Variants in CEPT1 observed in about 807,000 individuals in gnomAD.
The protein encoded by CEPT1 is choline/ethanolaminephosphotransferase 1.
Under a neutral mutation model 42.6 loss-of-function variants are expected in CEPT1, and 7 were observed. The ratio of observed to expected loss-of-function variants is 0.16; its 90% CI spans 0.09 to 0.31. The LOEUF (loss-of-function observed/expected upper bound fraction) is 0.31. Ranked by LOEUF, CEPT1 falls within the 10% of genes least tolerant of loss-of-function variation. CEPT1 has a pLI of 1.00. For synonymous variants in CEPT1, 171 were observed against 171.9 expected (o/e 0.99, Z 0.04); for missense variants, 306 against 502.1 (o/e 0.61, Z 3.73).
At position 111,168,036 on chromosome 1, in the gene CEPT1, T is replaced by C. The variant is rs112203209; in HGVS notation, c.629+6740T>C. On this transcript the variant is annotated intron_variant, in intron 4 of 8. Transcript: ENST00000357172. Reference sequence around the variant, plus strand: ...ACCTTTCTGCACTGTCACACCTGGCTAATTTTAAATTTTTTTTTTGTAGAG... The same window carrying C: ...ACCTTTCTGCACTGTCACACCTGGCCAATTTTAAATTTTTTTTTTGTAGAG... 3.1e-3 allele frequency: 488 copies of C among 158,110 alleles called. 3 individuals are homozygous for C. Among genetic ancestry groups the C allele is most frequent in the Middle Eastern group, 0.02 (6 of 306 alleles). The allele number at this position is 158,110 out of a possible 1,614,324, so 9.8% of individuals were successfully genotyped here. A position where few individuals can be genotyped will look rare whatever the true frequency, so the allele number is the denominator to read the frequency against.
chr1:111,156,477 C>G (rs1477311347), intron 2 of CEPT1, among the ~76,000 whole-genome samples: 1 of 152,106 alleles, frequency 6.6e-6, no homozygotes, highest in African/African-American at 2.4e-5. Flanking sequence ...CTGTTTAAAT[C>G]AGGGGTGTCT....
intron 2 of CEPT1, among the ~76,000 whole-genome samples, chr1:111,158,366 A>AAATT (rs1007209479): frequency 1.5e-5 from 2 of 137,078 alleles, no homozygotes; most frequent in South Asian, 4.5e-4. Context: ...ATAAATAAAT[A>AAATT]AATTAATTAA....
At chr1:111,151,465 A>G (rs1225654067) in intron 2 of CEPT1, among the ~76,000 whole-genome samples, 1 of 152,240 alleles carries the variant, frequency 6.6e-6, no homozygotes, top group Non-Finnish European at 1.5e-5. Flanking sequence ...ACATCAATCA[A>G]GTACATTTAA....
At chr1:111,175,156 A>G (rs936143594) in intron 5 of CEPT1, among the ~76,000 whole-genome samples, 193 bp downstream of exon 5, 6 of 152,182 alleles carry the variant, frequency 3.9e-5, no homozygotes, top group African/African-American at 1.2e-4. Flanking sequence ...GGACTATTCC[A>G]GGGCTATTAT....
intron 5 of CEPT1, chr1:111,179,998 G>A (rs1237960553): frequency 6.6e-6 from 1 of 152,140 alleles, no homozygotes; most frequent in Non-Finnish European, 1.5e-5. Context: ...TTACTTTGTG[G>A]TCCAAGCCAT....
chr1:111,167,755 T>A (rs1656208254), intron 4 of CEPT1: 14 of 971,358 alleles, frequency 1.4e-5, no homozygotes, highest in Non-Finnish European at 1.7e-5. Context: ...CACTCTTAGT[T>A]GTGCTTTTGA....
At chr1:111,161,024 T>C in intron 3 of CEPT1, 131 bp from the exon 4 acceptor site, 1 of 895,344 alleles carries the variant, frequency 1.1e-6, no homozygotes, top group South Asian at 1.5e-5. Context: ...ATCCTACTTT[T>C]CTGTTACAAT....
At chr1:111,142,532 C>T (rs189728364) in intron 1 of CEPT1, among the ~76,000 whole-genome samples, 4 of 152,184 alleles carry the variant, frequency 2.6e-5, no homozygotes, top group South Asian at 2.1e-4. Flanking sequence ...GGCACATGCT[C>T]GTAATCCTAG....
chr1:111,151,433 A>G (rs1655272199), intron 2 of CEPT1, among the ~76,000 whole-genome samples: 1 of 152,162 alleles, frequency 6.6e-6, no homozygotes, highest in Non-Finnish European at 1.5e-5. Flanking sequence ...GCTTGGTATT[A>G]TACATTTTAG....
At chr1:111,165,621 G>A (rs1042100407) in intron 4 of CEPT1, among the ~76,000 whole-genome samples, 2 of 152,106 alleles carry the variant, frequency 1.3e-5, no homozygotes, top group Non-Finnish European at 2.9e-5. Flanking sequence ...TATAAAGTCT[G>A]TGAGTCTACT....
intron 5 of CEPT1, among the ~76,000 whole-genome samples, chr1:111,176,341 ATAGTTT>A (rs1054438982): frequency 1.3e-5 from 2 of 152,070 alleles, no homozygotes; most frequent in African/African-American, 2.4e-5. Flanking sequence ...GAAGGAAATA[ATAGTTT>A]TTGTTTTCCT....
At chr1:111,155,235 ACT>A (rs1217314169) in intron 2 of CEPT1, among the ~76,000 whole-genome samples, 2 of 152,152 alleles carry the variant, frequency 1.3e-5, no homozygotes, top group African/African-American at 4.8e-5. Flanking sequence ...AAGTGTATCT[ACT>A]TCGTCTAGGT....
At chr1:111,169,884 T>C (rs754016444) in intron 4 of CEPT1, among the ~76,000 whole-genome samples, 11 of 152,240 alleles carry the variant, frequency 7.2e-5, no homozygotes, top group Non-Finnish European at 1.0e-4. Context: ...CCGGTTTCTC[T>C]TCAAGGTTAT....
intron 2 of CEPT1, among the ~76,000 whole-genome samples, chr1:111,149,671 T>A (rs1448609706): frequency 1.3e-5 from 2 of 152,238 alleles, no homozygotes; most frequent in South Asian, 2.1e-4. Context: ...TCCTTTAAAT[T>A]GTTTCACTTG....
At chr1:111,178,005 T>C (rs1263435593) in intron 5 of CEPT1, among the ~76,000 whole-genome samples, 1 of 152,234 alleles carries the variant, frequency 6.6e-6, no homozygotes, top group Non-Finnish European at 1.5e-5. Context: ...ATTCCCATAA[T>C]TGACCCCAGA....
intron 3 of CEPT1, 89 bp from the exon 4 acceptor site, chr1:111,161,066 C>A: frequency 2.3e-6 from 3 of 1,324,776 alleles, no homozygotes; most frequent in Non-Finnish European, 2.2e-6. Context: ...GCATTTACAG[C>A]ATATCTTTTT....
At chr1:111,145,951 G>GATCTAT (rs1365645021) in intron 1 of CEPT1, among the ~76,000 whole-genome samples, 20 of 152,160 alleles carry the variant, frequency 1.3e-4, no homozygotes, top group Non-Finnish European at 2.8e-4. Flanking sequence ...TTTGATAGTA[G>GATCTAT]ATCTATTGTC....
intron 2 of CEPT1, among the ~76,000 whole-genome samples, chr1:111,150,082 G>C (rs925113302): frequency 4.6e-5 from 7 of 152,226 alleles, no homozygotes; most frequent in Non-Finnish European, 1.0e-4. Flanking sequence ...GCTGCTGCTT[G>C]TTGTTCTGCA....
chr1:111,161,038 T>A lies in CEPT1; in HGVS notation c.488-117T>A, dbSNP rs531230636. On this transcript the variant is annotated intron_variant, in intron 3 of 8. Transcript: ENST00000357172. The stretch of plus-strand genomic sequence containing the variant: ...TATCCTACTTTTCTGTTACAATAGA[T>A]AACTGAGAGAAGATTATGCATTTAC... 5 of 1,006,906 alleles carry A rather than the reference T, an allele frequency of 5.0e-6. No individual in the cohort carries two copies. The Admixed American group carries it at 8.9e-5, about 18-fold the overall frequency. 62.4% of individuals were successfully genotyped at this position (1,006,906 alleles called of 1,614,324 possible).
Sources: allele counts gnomAD v4.1 joint callset (sites outside exome capture counted in the v4.1 genomes callset), GRCh38; gene constraint gnomAD v4.1.1; transcripts MANE v1.5; gene names NCBI Gene and HGNC (gene_info 2026-07-23, HGNC 2026-07-21).